ALMS1: variants seen among roughly 807,000 people sequenced by gnomAD.
The protein encoded by ALMS1 is ALMS1 centrosome and basal body associated protein.
ALMS1 carries 271 observed loss-of-function variants against 352.2 expected under a neutral mutation model. That is an observed-to-expected ratio of 0.77 (90% CI 0.70 to 0.85). The LOEUF is 0.85. Ranked by LOEUF, ALMS1 falls within the 40% of genes least tolerant of loss-of-function variation. The pLI is 0.00. For synonymous variants in ALMS1, 1,865 were observed against 1,761.2 expected (o/e 1.06, Z -1.48); for missense variants, 5,445 against 4,870.7 (o/e 1.12, Z -3.51).
chr2:73,485,988 A>G (rs1672834163), intron 9 of ALMS1, among the ~76,000 whole-genome samples: 1 of 151,922 alleles, frequency 6.6e-6, no homozygotes, highest in Non-Finnish European at 1.5e-5. Context: ...CTCCCTAGTT[A>G]GATGAACCCA....
chr2:73,538,917 T>C (rs1429574837), intron 12 of ALMS1, among the ~76,000 whole-genome samples: 4 of 152,058 alleles, frequency 2.6e-5, no homozygotes, highest in African/African-American at 4.8e-5. Flanking sequence ...CCACCATACC[T>C]CAAGGATGCC....
Position 73,453,479 on chromosome 2 carries a change from CACAG to C in ALMS1, c.6957_6960del (p.Arg2319SerfsTer23), listed in dbSNP as rs1553404377. The C allele has an allele frequency of 1.9e-6, 3 of 1,613,284 alleles. No individual in the cohort carries two copies. The highest frequency in any genetic ancestry group is 2.2e-5 in the East Asian group (1 of 44,842). ...GGGTGTATCTAATGGTGATTTGCTTCACAGACAGCCATTCACAGAGGAAAGCCCA... is the reference window on the plus strand; with the variant it reads ...GGGTGTATCTAATGGTGATTTGCTTCACAGCCATTCACAGAGGAAAGCCCA... On this transcript the variant is annotated frameshift_variant, in exon 8 of 23. Transcript: ENST00000613296. LOFTEE classifies it high-confidence loss of function.
chr2:73,558,807 G>A (rs183140804), intron 14 of ALMS1, among the ~76,000 whole-genome samples, 165 bp from the exon 15 acceptor site: 150 of 152,122 alleles, frequency 9.9e-4, no homozygotes, highest in African/African-American at 3.5e-3. Context: ...TTACGTATGT[G>A]ATTTTTTGCC....
In ALMS1 at chr2:73,385,982, C is replaced by T. The variant is rs767731236; in HGVS notation, c.114C>T (p.Asp38=). 3 of 1,545,632 alleles carry T rather than the reference C, an allele frequency of 1.9e-6. No homozygotes were observed. The highest frequency in any genetic ancestry group is 1.7e-6 in the Non-Finnish European group (2 of 1,143,060). ...CAGCGGCGGCGGCGGCGAACGTGGA[C>T]GACGTAGTGGTCGTGGAGGAGGTGG... ...EAAAAAAANV[D]DVVVVEEVEE... is the part of the protein sequence containing the mutation. The change falls in exon 1 of 23, where the codon GAC becomes GAT. Residue 38 remains aspartate (D), a synonymous_variant. Coordinates refer to ENST00000613296, the MANE Select transcript of ALMS1 (RefSeq NM_001378454.1).
intron 13 of ALMS1, among the ~76,000 whole-genome samples, chr2:73,553,529 T>C (rs1674483006): frequency 6.6e-6 from 1 of 152,154 alleles, no homozygotes; most frequent in African/African-American, 2.4e-5. Flanking sequence ...GATTGGCACA[T>C]AGAAACTCAG....
At chr2:73,505,931 C>A (rs996335392) in intron 10 of ALMS1, among the ~76,000 whole-genome samples, 2 of 152,106 alleles carry the variant, frequency 1.3e-5, no homozygotes, top group East Asian at 1.9e-4. Flanking sequence ...TTAGGTCTTA[C>A]ATTTAAGTCT....
At chr2:73,569,796 A>G (rs11126403) in intron 15 of ALMS1, among the ~76,000 whole-genome samples, 59,240 of 151,802 alleles carry the variant, frequency 0.39, 16,239 homozygotes, top group African/African-American at 0.78. Context: ...CAGCACAACT[A>G]TAGTATAGTT....
chr2:73,388,731 A>T (rs570459118), intron 1 of ALMS1, among the ~76,000 whole-genome samples: 5 of 152,312 alleles, frequency 3.3e-5, no homozygotes, highest in Non-Finnish European at 5.9e-5. Context: ...TTGTTGATGG[A>T]CACTTAGGTT....
At chr2:73,421,246 T>G (rs1178307953) in intron 3 of ALMS1, among the ~76,000 whole-genome samples, 1 of 152,280 alleles carries the variant, frequency 6.6e-6, no homozygotes, top group East Asian at 1.9e-4. Context: ...GTACTGAGGA[T>G]TTCTGTAGGT....
intron 21 of ALMS1, among the ~76,000 whole-genome samples, chr2:73,604,217 G>T (rs552039052): frequency 6.6e-6 from 1 of 152,224 alleles, no homozygotes; most frequent in East Asian, 1.9e-4. Flanking sequence ...CATGATGAAC[G>T]AACATTAGCT....
intron 9 of ALMS1, among the ~76,000 whole-genome samples, chr2:73,460,468 A>G (rs1306621229): frequency 6.6e-6 from 1 of 152,198 alleles, no homozygotes; most frequent in Admixed American, 6.5e-5. Flanking sequence ...TGGAGCCAAG[A>G]TGGCCAAATA....
chr2:73,485,057 A>C (rs1430112159), intron 9 of ALMS1, among the ~76,000 whole-genome samples: 1 of 152,274 alleles, frequency 6.6e-6, no homozygotes, highest in East Asian at 1.9e-4. Flanking sequence ...GATCGTCTGA[A>C]GCCTTCTTCT....
intron 16 of ALMS1, among the ~76,000 whole-genome samples, chr2:73,577,408 A>AT (rs1675076782): frequency 6.6e-6 from 1 of 150,966 alleles, no homozygotes; most frequent in Admixed American, 6.6e-5. Context: ...CTTTTTTTTT[A>AT]AAGTCTGTTT....
chr2:73,491,725 T>A (rs1381716902), intron 10 of ALMS1, among the ~76,000 whole-genome samples: 1 of 152,152 alleles, frequency 6.6e-6, no homozygotes, highest in Non-Finnish European at 1.5e-5. Flanking sequence ...AGACTTGACA[T>A]CAAGTGTTTT....
intron 11 of ALMS1, among the ~76,000 whole-genome samples, chr2:73,531,566 G>T (rs1055207315): frequency 7.2e-5 from 11 of 152,136 alleles, no homozygotes; most frequent in Non-Finnish European, 1.6e-4. Flanking sequence ...AAGCCCTCCA[G>T]CCTGTTCCAA....
chr2:73,576,138 G>T (rs1436143918), intron 16 of ALMS1, among the ~76,000 whole-genome samples: 1 of 152,064 alleles, frequency 6.6e-6, no homozygotes, highest in African/African-American at 2.4e-5. Context: ...ATACGTGAGG[G>T]TTTTTATCTG....
Position 73,449,646 on chromosome 2 carries a change from C to CT in ALMS1, c.3120dup (p.Glu1041Ter). 6.2e-7 allele frequency: 1 copy of CT among 1,614,078 alleles called. No homozygotes were observed. Among genetic ancestry groups the CT allele is most frequent in the Non-Finnish European group, 8.5e-7 (1 of 1,179,954 alleles). ...GGCCCTGGACCAGCTGACCAGAAGA[C>CT]TGAGATACCAGCAGTACAGTCTAGT... On this transcript the variant is annotated frameshift_variant, in exon 8 of 23. Coordinates refer to ENST00000613296, the MANE Select transcript of ALMS1 (RefSeq NM_001378454.1). LOFTEE classifies it high-confidence loss of function.
chr2:73,600,597 G>A (rs1042074520), intron 17 of ALMS1, 81 bp from the exon 18 acceptor site: 4 of 1,275,462 alleles, frequency 3.1e-6, no homozygotes, highest in Non-Finnish European at 4.4e-6. Context: ...ACATTAAAAA[G>A]GGTTCACGTA....
Position 73,546,277 on chromosome 2 carries a change from C to G in ALMS1, c.9908-3990C>G, listed in dbSNP as rs147604579. ...AATGTTCACTTAGTAGGATATATAACCAAGGTTTAGTTGGGTTTTCTTTTA... is the reference window on the plus strand; with the variant it reads ...AATGTTCACTTAGTAGGATATATAAGCAAGGTTTAGTTGGGTTTTCTTTTA... On this transcript the variant is annotated intron_variant, in intron 12 of 22. Coordinates refer to ENST00000613296, the MANE Select transcript of ALMS1 (RefSeq NM_001378454.1). 2.5e-4 allele frequency among the ~76,000 whole-genome samples: 38 copies of G among 152,220 alleles called. 1 individual carries two copies. In the East Asian group the frequency reaches 7.3e-3, roughly 29 times the overall value.
Sources: gnomAD v4.1 joint callset for allele counts (sites outside exome capture counted in the v4.1 genomes callset) on GRCh38, gnomAD v4.1.1 for gene constraint, MANE v1.5 for transcripts, NCBI Gene and HGNC (gene_info 2026-07-23, HGNC 2026-07-21) for gene names.